TSNARE1: variants seen among roughly 807,000 people sequenced by gnomAD.
TSNARE1 encodes the protein t-SNARE domain-containing protein 1.
Under a neutral mutation model 62.0 loss-of-function variants are expected in TSNARE1, and 49 were observed. The observed-to-expected ratio is 0.79, with a 90% confidence interval of 0.63 to 1.00. The LOEUF (loss-of-function observed/expected upper bound fraction) is 1.00, where lower values mean the gene tolerates loss of function less well. Among genes scored for constraint, TSNARE1 ranks in the 50% least tolerant of loss-of-function variants. TSNARE1 has a pLI of 0.00. For synonymous variants in TSNARE1, 328 were observed against 294.4 expected, an observed-to-expected ratio of 1.11 and a Z score of -1.17; for missense variants, 755 against 700.1, an observed-to-expected ratio of 1.08 and a Z score of -0.88.
At chr8:142,252,733 G>A (rs1818236196) in intron 12 of TSNARE1, among the ~76,000 whole-genome samples, 2 of 152,216 alleles carry the variant, frequency 1.3e-5, no homozygotes, top group African/African-American at 4.8e-5. Context: ...CACCCCTGCT[G>A]TCTCCATTCT....
intron 12 of TSNARE1, chr8:142,273,246 G>A: frequency 2.0e-6 from 2 of 985,406 alleles, no homozygotes; most frequent in South Asian, 4.7e-5. Context: ...CCAGGCATCA[G>A]CGCTGCTTCT....
chr8:142,360,140 G>T, intron 1 of TSNARE1, among the ~76,000 whole-genome samples: 1 of 152,160 alleles, frequency 6.6e-6, no homozygotes, highest in East Asian at 1.9e-4. Flanking sequence ...ACGCGGTGGC[G>T]CCCCCAAGAA....
At chr8:142,280,195 C>T (rs1052817468) in intron 11 of TSNARE1, 1 of 985,380 alleles carries the variant, frequency 1.0e-6, no homozygotes, top group Non-Finnish European at 1.2e-6. Flanking sequence ...GTTGGGCTTG[C>T]GTGTCTTGGT....
At chr8:142,392,250 G>C (rs1270080974) in intron 1 of TSNARE1, among the ~76,000 whole-genome samples, 1 of 152,036 alleles carries the variant, frequency 6.6e-6, no homozygotes, top group East Asian at 1.9e-4. Context: ...TCAAACTCCT[G>C]ACCTCAGGTG....
chr8:142,286,155 C>T (rs1382052270), intron 10 of TSNARE1, among the ~76,000 whole-genome samples: 2 of 152,192 alleles, frequency 1.3e-5, no homozygotes, highest in Non-Finnish European at 2.9e-5. Flanking sequence ...GCCAGGTTTG[C>T]TCACTTATCA....
intron 3 of TSNARE1, 44 bp downstream of exon 3, chr8:142,345,699 C>T: frequency 6.6e-7 from 1 of 1,505,750 alleles, no homozygotes; most frequent in Non-Finnish European, 8.9e-7. Flanking sequence ...CATCTCCAAG[C>T]CGCCTTCCCA....
chr8:142,351,561 T>C (rs1337303154), intron 2 of TSNARE1, among the ~76,000 whole-genome samples: 4 of 152,182 alleles, frequency 2.6e-5, no homozygotes, highest in African/African-American at 7.2e-5. Flanking sequence ...CCCACACAGA[T>C]GCAGGGACGC....
chr8:142,352,077 G>A (rs578226453), intron 2 of TSNARE1, among the ~76,000 whole-genome samples: 23 of 152,398 alleles, frequency 1.5e-4, no homozygotes, highest in East Asian at 5.8e-4. Flanking sequence ...TGCCCTGGCT[G>A]AGAACTTCTG....
intron 9 of TSNARE1, 118 bp downstream of exon 9, chr8:142,314,266 G>GC: frequency 1.1e-6 from 1 of 870,910 alleles, no homozygotes; most frequent in South Asian, 1.7e-5. Flanking sequence ...GCCTCAGGGC[G>GC]CCCCTCAGAT....
At chr8:142,370,094 G>T (rs1040245182) in intron 1 of TSNARE1, among the ~76,000 whole-genome samples, 3 of 152,328 alleles carry the variant, frequency 2.0e-5, no homozygotes, top group African/African-American at 7.2e-5. Flanking sequence ...GCCACGTGAG[G>T]ACACAGATAG....
At position 142,243,459 on chromosome 8, in the gene TSNARE1, A is replaced by G. The variant is rs376880561; in HGVS notation, c.1447-13880T>C. On this transcript the variant is annotated intron_variant, in intron 12 of 13. Coordinates refer to ENST00000524325, the MANE Select transcript of TSNARE1 (RefSeq NM_145003.5). ...CTCTCATTCGTGACAACGTGGAGGC[A>G]CCTGGAAGACATCATGCTTAAGTGA... Among the ~76,000 whole-genome samples the G allele has an allele frequency of 2.0e-5, 3 of 152,238 alleles. No individual in the cohort carries two copies. The East Asian group carries it at 5.8e-4, about 29-fold the overall frequency.
intron 11 of TSNARE1, chr8:142,278,654 G>A: frequency 1.0e-6 from 1 of 985,460 alleles, no homozygotes; most frequent in Non-Finnish European, 1.2e-6. Flanking sequence ...GGAGCCAGTG[G>A]CAGCTGCGGG....
At chr8:142,261,006 AGGGAGGAGAGGAGAC>A (rs1468496342) in intron 12 of TSNARE1, among the ~76,000 whole-genome samples, 4 of 3,488 alleles carry the variant, frequency 1.1e-3, no homozygotes, top group Admixed American at 4.1e-3. Context: ...GGGGGTGGGG[AGGGAGGAGAGGAGAC>A]AGGGAGGAGA....
At chr8:142,287,551 C>T (rs1822967442) in intron 10 of TSNARE1, among the ~76,000 whole-genome samples, 1 of 144,920 alleles carries the variant, frequency 6.9e-6, no homozygotes, top group Non-Finnish European at 1.5e-5. Flanking sequence ...GGGCTCCCTC[C>T]AGGATGTGGA....
In TSNARE1 at chr8:142,268,316, C is replaced by T. The variant is rs532938374; in HGVS notation, c.1446+6465G>A. Reference sequence around the variant, plus strand: ...GGAGACACATGGACCAGGACTTACCCATTCTGCCCCTAAGTTCTCGAGTCC... The same window carrying T: ...GGAGACACATGGACCAGGACTTACCTATTCTGCCCCTAAGTTCTCGAGTCC... On this transcript the variant is annotated intron_variant, in intron 12 of 13. Transcript: ENST00000524325. Among the ~76,000 whole-genome samples, 13 of 152,366 alleles carry T rather than the reference C, an allele frequency of 8.5e-5. No homozygotes were observed. In the South Asian group the frequency reaches 1.4e-3, roughly 17 times the overall value.
In TSNARE1 at chr8:142,215,376, C is replaced by T. The variant is rs79106870; in HGVS notation, c.*12-3063G>A. Among the ~76,000 whole-genome samples, 1,432 of 152,236 alleles carry T rather than the reference C, an allele frequency of 9.4e-3. 23 individuals are homozygous for T. Among genetic ancestry groups the T allele is most frequent in the African/African-American group, 0.032 (1,324 of 41,546 alleles). On this transcript the variant is annotated intron_variant, in intron 13 of 13. Coordinates refer to ENST00000524325, the MANE Select transcript of TSNARE1 (RefSeq NM_145003.5). ...TGGTGTCAGTGGACAGGGTCTAATG[C>T]GAGGTGGCAGCAATGGTGGTCAGGG...
chr8:142,213,212 G>A (rs1328735766), intron 13 of TSNARE1, among the ~76,000 whole-genome samples: 1 of 16,852 alleles, frequency 5.9e-5, no homozygotes, highest in Non-Finnish European at 1.1e-4. Flanking sequence ...TACCCCCTCC[G>A]CCTCCCTCTC....
intron 12 of TSNARE1, among the ~76,000 whole-genome samples, chr8:142,262,566 G>A (rs1039674953): frequency 6.6e-6 from 1 of 152,104 alleles, no homozygotes; most frequent in Non-Finnish European, 1.5e-5. Flanking sequence ...CTGGTGGGAG[G>A]TGCCTGGATC....
Position 142,344,126 on chromosome 8 carries a change from C to T in TSNARE1, c.585G>A (p.Val195=), listed in dbSNP as rs765455454. The T allele has an allele frequency of 1.2e-6, 2 of 1,612,494 alleles. No individual in the cohort carries two copies. The highest frequency in any genetic ancestry group is 1.7e-6 in the Non-Finnish European group (2 of 1,179,558). Residue 195 remains valine, a synonymous_variant, in exon 4 of 14, where the codon GTG becomes GTA. Transcript: ENST00000524325. ...TCCGGAGGTCGCCCAGCTTGCGCCG[C>T]ACGACGGCTCGTAGGTCCCGCCACT... is the stretch of plus-strand genomic sequence containing the variant. ...KHKWRDLRAV[V]RRKLGDLRKA... is the part of the protein sequence containing the mutation.
Sources: gnomAD v4.1 joint callset for allele counts (sites outside exome capture counted in the v4.1 genomes callset) on GRCh38, gnomAD v4.1.1 for gene constraint, MANE v1.5 for transcripts, NCBI Gene and HGNC (gene_info 2026-07-23, HGNC 2026-07-21) for gene names.